The following FMR1NB variants were observed in gnomAD, a reference collection of about 807,000 sequenced individuals.
FMR1NB encodes FMR1 neighbor protein.
In FMR1NB, 10 loss-of-function variants were observed where a neutral mutation model predicts 16.8. That is an observed-to-expected ratio of 0.60 (90% CI 0.37 to 1.01). The LOEUF (loss-of-function observed/expected upper bound fraction) is 1.01. Among genes scored for constraint, FMR1NB ranks in the 50% least tolerant of loss-of-function variants. The pLI is 0.01. For synonymous variants in FMR1NB, 83 were observed against 79.1 expected (o/e 1.05, Z -0.26); for missense variants, 205 against 204.8 (o/e 1.00, Z 0.00).
Position 148,025,025 on chromosome X carries a change from T to C in FMR1NB, c.*13+12T>C, listed in dbSNP as rs1316619451. Reference sequence around the variant, plus strand: ...GCAAGAGACCAAAGGTAATTGACAATAGGATATAAAGTTGAAGTGCTCAAT... The same window carrying C: ...GCAAGAGACCAAAGGTAATTGACAACAGGATATAAAGTTGAAGTGCTCAAT... On this transcript the variant is annotated intron_variant, in intron 5 of 5. Coordinates refer to ENST00000370467, the MANE Select transcript of FMR1NB (RefSeq NM_152578.3). 3 of 1,201,449 alleles carry C rather than the reference T, an allele frequency of 2.5e-6. No homozygotes were observed. The highest frequency in any genetic ancestry group is 1.8e-5 in the African/African-American group (1 of 56,779).
At position 148,008,610 on chromosome X, in the gene FMR1NB, A is replaced by G; in HGVS notation, c.539-8A>G. 1.7e-6 allele frequency: 2 copies of G among 1,207,012 alleles called. No homozygotes were observed. Among genetic ancestry groups the G allele is most frequent in the Non-Finnish European group, 2.2e-6 (2 of 892,740 alleles). On this transcript the variant is annotated splice_polypyrimidine_tract_variant and splice_region_variant and intron_variant, in intron 3 of 5. Coordinates refer to ENST00000370467, the MANE Select transcript of FMR1NB (RefSeq NM_152578.3). ...CATGAAAGTAACAGGATATAATTAAACCAACAGTGCCTAAACAGATGATGC... is the reference window on the plus strand; with the variant it reads ...CATGAAAGTAACAGGATATAATTAAGCCAACAGTGCCTAAACAGATGATGC...
At chrX:148,011,266 A>AAAAAAC (rs781893715) in intron 4 of FMR1NB, among the ~76,000 whole-genome samples, 3 of 102,014 alleles carry the variant, frequency 2.9e-5, no homozygotes, top group East Asian at 2.8e-4. Flanking sequence ...TCCATCTCAA[A>AAAAAAC]AAAAACAAAA....
At chrX:147,988,032 A>G (rs1276309815) in intron 1 of FMR1NB, among the ~76,000 whole-genome samples, 1 of 111,613 alleles carries the variant, frequency 9.0e-6, no homozygotes, top group African/African-American at 3.3e-5. Flanking sequence ...TAATATTGTT[A>G]TGTGTGAATT....
Position 148,006,691 on chromosome X carries a change from GT to G in FMR1NB, c.398-6del. The stretch of plus-strand genomic sequence containing the variant: ...GCTGAATTCTCTTTCTTAAATTTCT[GT>G]TTTTAAAAGCTTGCAATCTGAGGGA... On this transcript the variant is annotated splice_polypyrimidine_tract_variant and intron_variant, in intron 2 of 5. Coordinates refer to ENST00000370467, the MANE Select transcript of FMR1NB (RefSeq NM_152578.3). The G allele has an allele frequency of 1.7e-6, 2 of 1,190,057 alleles. No individual in the cohort carries two copies. Among genetic ancestry groups the G allele is most frequent in the Non-Finnish European group, 2.3e-6 (2 of 887,366 alleles).
chrX:148,011,005 A>T (rs2044621128), intron 4 of FMR1NB, among the ~76,000 whole-genome samples: 1 of 111,293 alleles, frequency 9.0e-6, no homozygotes, highest in Non-Finnish European at 1.9e-5. Context: ...TGGAGAGCTT[A>T]AAAAATGAGA....
chrX:148,004,925 C>T (rs1371800940), intron 2 of FMR1NB, among the ~76,000 whole-genome samples: 1 of 112,678 alleles, frequency 8.9e-6, no homozygotes, highest in Non-Finnish European at 1.9e-5. Flanking sequence ...GAGTCTCGCT[C>T]TGTTGCCAGG....
intron 1 of FMR1NB, among the ~76,000 whole-genome samples, chrX:147,989,173 A>G (rs782197956): frequency 9.0e-6 from 1 of 111,298 alleles, no homozygotes; most frequent in Non-Finnish European, 1.9e-5. Flanking sequence ...AGAACTTTGG[A>G]TGGGATTTCT....
chrX:148,004,452 T>C (rs1368936042), intron 2 of FMR1NB, among the ~76,000 whole-genome samples: 1 of 112,420 alleles, frequency 8.9e-6, no homozygotes, highest in East Asian at 2.8e-4. Flanking sequence ...ATCAATTATA[T>C]GAAGTAAAAA....
Position 148,006,848 on chromosome X carries a change from T to G in FMR1NB, c.538+6T>G. ...TTTTGCTCCATTTAGAGATGGTAAGTTATTCCTCTTTCATTTATTTCTATT... is the reference window on the plus strand; with the variant it reads ...TTTTGCTCCATTTAGAGATGGTAAGGTATTCCTCTTTCATTTATTTCTATT... On this transcript the variant is annotated splice_donor_region_variant and intron_variant, in intron 3 of 5. Transcript: ENST00000370467. 8.4e-7 allele frequency: 1 copy of G among 1,196,287 alleles called. No individual in the cohort carries two copies. Among genetic ancestry groups the G allele is most frequent in the South Asian group, 1.8e-5 (1 of 54,166 alleles).
At chrX:147,991,290 C>G (rs2044503082) in intron 1 of FMR1NB, among the ~76,000 whole-genome samples, 1 of 106,651 alleles carries the variant, frequency 9.4e-6, no homozygotes, top group Non-Finnish European at 1.9e-5. Context: ...TAATAACCTC[C>G]TTCATCTCCT....
chrX:147,995,321 A>G (rs1214635314), intron 1 of FMR1NB, among the ~76,000 whole-genome samples: 1 of 112,501 alleles, frequency 8.9e-6, no homozygotes, highest in East Asian at 2.8e-4. Flanking sequence ...AAAGCAAAAC[A>G]TATGGTTCTG....
chrX:147,985,878 C>T (rs2044473671), intron 1 of FMR1NB, among the ~76,000 whole-genome samples: 1 of 111,776 alleles, frequency 8.9e-6, no homozygotes, highest in South Asian at 3.8e-4. Flanking sequence ...GTTCTAGATC[C>T]TTGAGGAATT....
At chrX:147,990,337 A>G (rs1478731235) in intron 1 of FMR1NB, among the ~76,000 whole-genome samples, 2 of 111,411 alleles carry the variant, frequency 1.8e-5, no homozygotes, top group Non-Finnish European at 3.8e-5. Context: ...AACCAGTCCC[A>G]ATGAGATGAA....
At chrX:148,010,951 G>A (rs2044620838) in intron 4 of FMR1NB, among the ~76,000 whole-genome samples, 1 of 111,375 alleles carries the variant, frequency 9.0e-6, no homozygotes, top group African/African-American at 3.3e-5. Flanking sequence ...TTTGGACAGT[G>A]CCTTTTTTAA....
chrX:148,008,375 A>T (rs1557189327), intron 3 of FMR1NB, among the ~76,000 whole-genome samples: 1 of 112,123 alleles, frequency 8.9e-6, no homozygotes, highest in African/African-American at 3.2e-5. Context: ...AAAAAATAGG[A>T]TCATTTTGTT....
chrX:147,993,380 TGA>T (rs1238375788), intron 1 of FMR1NB, among the ~76,000 whole-genome samples: 1 of 102,227 alleles, frequency 9.8e-6, no homozygotes, highest in Non-Finnish European at 2.0e-5. Flanking sequence ...CGGTTCCGCA[TGA>T]GAGGGAGACC....
chrX:148,003,164 T>G, intron 1 of FMR1NB, 37 bp from the exon 2 acceptor site: 2 of 1,187,835 alleles, frequency 1.7e-6, no homozygotes, highest in Non-Finnish European at 2.3e-6. Flanking sequence ...GATAAATGCT[T>G]TATATGTTGG....
intron 3 of FMR1NB, among the ~76,000 whole-genome samples, chrX:148,007,167 C>T (rs2044601143): frequency 8.9e-6 from 1 of 112,637 alleles, no homozygotes; most frequent in South Asian, 3.7e-4. Flanking sequence ...CATGCCTTAG[C>T]TTACTTCTCT....
chrX:148,003,173 G>A, intron 1 of FMR1NB, 28 bp from the exon 2 acceptor site: 1 of 1,194,835 alleles, frequency 8.4e-7, no homozygotes, highest in South Asian at 1.8e-5. Context: ...TTTATATGTT[G>A]GGATTAATAA....
Sources: allele counts gnomAD v4.1 joint callset (sites outside exome capture counted in the v4.1 genomes callset), GRCh38; gene constraint gnomAD v4.1.1; transcripts MANE v1.5; gene names NCBI Gene and HGNC (gene_info 2026-07-23, HGNC 2026-07-21).